Variants in RBMS3 observed in about 807,000 individuals in gnomAD.
The protein encoded by RBMS3 is RNA-binding motif, single-stranded-interacting protein 3.
In RBMS3, 27 loss-of-function variants were observed where a neutral mutation model predicts 66.8. That is an observed-to-expected ratio of 0.40 (90% CI 0.30 to 0.56). The LOEUF is 0.56. RBMS3 is among the 20% of genes least tolerant of loss of function. RBMS3 has a pLI of 0.40. For missense variants in RBMS3, 513 were observed against 549.5 expected, an observed-to-expected ratio of 0.93 and a Z score of 0.66; for synonymous variants, 188 against 183.0, an observed-to-expected ratio of 1.03 and a Z score of -0.22.
intron 3 of RBMS3, among the ~76,000 whole-genome samples, chr3:29,519,039 T>C (rs2044750726): frequency 6.6e-6 from 1 of 152,178 alleles, no homozygotes; most frequent in Non-Finnish European, 1.5e-5. Context: ...TATTTTCGTG[T>C]TCCAAAAGAA....
At chr3:29,326,855 C>T (rs547783865) in intron 1 of RBMS3, among the ~76,000 whole-genome samples, 76 of 152,056 alleles carry the variant, frequency 5.0e-4, no homozygotes, top group African/African-American at 1.7e-3. Flanking sequence ...CTCAGTCTCA[C>T]AAGTAGCTGG....
At chr3:29,699,401 C>T (rs547636436) in intron 4 of RBMS3, among the ~76,000 whole-genome samples, 1 of 152,168 alleles carries the variant, frequency 6.6e-6, no homozygotes, top group Non-Finnish European at 1.5e-5. Flanking sequence ...CCTGTCTTGG[C>T]CTCCCTAAGT....
intron 1 of RBMS3, among the ~76,000 whole-genome samples, chr3:29,287,164 T>C (rs2032417757): frequency 6.6e-6 from 1 of 152,118 alleles, no homozygotes; most frequent in South Asian, 2.1e-4. Flanking sequence ...CTATTTTGGA[T>C]GTGCTTAGAA....
chr3:29,673,562 T>G (rs914788528), intron 4 of RBMS3, among the ~76,000 whole-genome samples: 2 of 150,958 alleles, frequency 1.3e-5, no homozygotes, highest in Non-Finnish European at 3.0e-5. Context: ...TAAAAAATAA[T>G]AAAAGTGATA....
chr3:29,625,079 T>C (rs911910769), intron 4 of RBMS3, among the ~76,000 whole-genome samples: 1 of 152,152 alleles, frequency 6.6e-6, no homozygotes, highest in African/African-American at 2.4e-5. Flanking sequence ...ACTCCCACCC[T>C]CTCTGTCTCC....
At chr3:29,304,260 G>A (rs1209145383) in intron 1 of RBMS3, among the ~76,000 whole-genome samples, 1 of 151,888 alleles carries the variant, frequency 6.6e-6, no homozygotes, top group Non-Finnish European at 1.5e-5. Flanking sequence ...CAAGGACTAG[G>A]GATAACGTAT....
chr3:29,409,172 TAA>T (rs10710038), intron 1 of RBMS3, among the ~76,000 whole-genome samples: 1 of 151,910 alleles, frequency 6.6e-6, no homozygotes, highest in African/African-American at 2.4e-5. Flanking sequence ...TAGAAATAGA[TAA>T]AAAAAAGTAG....
intron 13 of RBMS3, among the ~76,000 whole-genome samples, chr3:29,990,340 G>T (rs1283391627): frequency 6.9e-6 from 1 of 144,218 alleles, no homozygotes; most frequent in East Asian, 2.7e-4. Flanking sequence ...ATCAGGATAG[G>T]TGCTCTTCTT....
At chr3:29,739,458 G>GAAAAAAA (rs56861996) in intron 4 of RBMS3, among the ~76,000 whole-genome samples, 6 of 129,490 alleles carry the variant, frequency 4.6e-5, no homozygotes, top group Admixed American at 1.6e-4. Context: ...TCCGTCTCAA[G>GAAAAAAA]AAAAAAAAAA....
intron 1 of RBMS3, among the ~76,000 whole-genome samples, chr3:29,295,334 CAT>C (rs34760284): frequency 0.02 from 2,864 of 140,894 alleles, 117 homozygotes; most frequent in African/African-American, 0.07. Flanking sequence ...TATACACACA[CAT>C]ATATATATAC....
intron 3 of RBMS3, among the ~76,000 whole-genome samples, chr3:29,521,894 T>C (rs1042427227): frequency 2.6e-5 from 4 of 152,214 alleles, no homozygotes; most frequent in African/African-American, 9.6e-5. Flanking sequence ...TGACCTTGTG[T>C]ATTTACTAAA....
rs5847561 is a variant in RBMS3 at position 29,281,475 on chromosome 3, CT to C, written c.-196del. 2.0e-3 allele frequency: 942 copies of C among 462,202 alleles called. No homozygotes were observed. Among genetic ancestry groups the C allele is most frequent in the East Asian group, 9.4e-3 (245 of 26,180 alleles). The allele number at this position is 462,202 out of a possible 1,614,324, so 28.6% of individuals were successfully genotyped here. A position where few individuals can be genotyped will look rare whatever the true frequency, so the allele number is the denominator to read the frequency against. On this transcript the variant is annotated 5_prime_UTR_variant, in exon 1 of 15. Coordinates refer to ENST00000383767, the MANE Select transcript of RBMS3 (RefSeq NM_001003793.3). ...TTTTCTACAGATCTCACTCCTCGCC[CT>C]TTTTTTTTTTCCTTTGGTGTGTGTT...
chr3:29,987,182 G>GAGAAAACTTGTCTTTATTTGATGATTCC (rs1698446426), intron 12 of RBMS3, among the ~76,000 whole-genome samples: 1 of 152,120 alleles, frequency 6.6e-6, no homozygotes, highest in Non-Finnish European at 1.5e-5. Flanking sequence ...TTTATGAATT[G>GAGAAAACTTGTCTTTATTTGATGATTCC]AGAAAACTTG....
chr3:29,531,484 AT>A (rs1418975537), intron 3 of RBMS3, among the ~76,000 whole-genome samples: 1 of 152,124 alleles, frequency 6.6e-6, no homozygotes. Context: ...CATTTGCTCA[AT>A]TTTTTCACTT....
intron 3 of RBMS3, among the ~76,000 whole-genome samples, chr3:29,498,357 G>A (rs748462241): frequency 3.3e-5 from 5 of 151,848 alleles, no homozygotes; most frequent in Non-Finnish European, 7.4e-5. Context: ...CTTTTTAATG[G>A]TTTAAAGCTA....
At chr3:29,400,052 G>C (rs558041690) in intron 1 of RBMS3, among the ~76,000 whole-genome samples, 1 of 152,110 alleles carries the variant, frequency 6.6e-6, no homozygotes, top group Admixed American at 6.6e-5. Flanking sequence ...AGAAAGATTG[G>C]CACACCCAAG....
At chr3:29,988,045 A>C in intron 12 of RBMS3, 98 bp from the exon 13 acceptor site, 27 of 896,086 alleles carry the variant, frequency 3.0e-5, no homozygotes, top group Non-Finnish European at 4.6e-5. Context: ...CACACTGGCT[A>C]TGGGCCCCAT....
chr3:29,630,114 G>T (rs1247369091), intron 4 of RBMS3, among the ~76,000 whole-genome samples: 1 of 151,896 alleles, frequency 6.6e-6, no homozygotes, highest in Non-Finnish European at 1.5e-5. Context: ...GAATTCTGTT[G>T]CTTCTTCCAT....
chr3:29,445,540 G>T (rs1204161397), intron 2 of RBMS3, among the ~76,000 whole-genome samples: 1 of 152,020 alleles, frequency 6.6e-6, no homozygotes, highest in South Asian at 2.1e-4. Flanking sequence ...AATGGTGTTT[G>T]CTGAATTTTG....
Sources: gnomAD v4.1 joint callset for allele counts (sites outside exome capture counted in the v4.1 genomes callset) on GRCh38, gnomAD v4.1.1 for gene constraint, MANE v1.5 for transcripts, NCBI Gene and HGNC (gene_info 2026-07-23, HGNC 2026-07-21) for gene names.